The following HDAC9 variants were observed in gnomAD, a reference collection of about 807,000 sequenced individuals.
HDAC9 encodes MEF-2 interacting transcription repressor (MITR) protein.
In HDAC9, 41 loss-of-function variants were observed where a neutral mutation model predicts 139.4. The observed-to-expected ratio is 0.29, with a 90% CI of 0.23 to 0.38. The LOEUF (loss-of-function observed/expected upper bound fraction) is 0.38. Ranked by LOEUF, HDAC9 falls within the 10% of genes least tolerant of loss-of-function variation. The probability of loss-of-function intolerance (pLI) is 1.00; values close to 1 mark genes in which losing one functional copy is unlikely to be tolerated. For missense variants in HDAC9, 1,147 were observed against 1,297.0 expected (o/e 0.88, Z 1.78); for synonymous variants, 517 against 476.2 (o/e 1.09, Z -1.12).
At chr7:18,987,822 C>G (rs991432603) in intron 25 of HDAC9, among the ~76,000 whole-genome samples, 6 of 152,076 alleles carry the variant, frequency 3.9e-5, no homozygotes, top group African/African-American at 1.4e-4. Context: ...AGGAATTTAT[C>G]CATTTCTTCT....
At chr7:18,685,280 C>G (rs915044865) in intron 12 of HDAC9, among the ~76,000 whole-genome samples, 1 of 152,008 alleles carries the variant, frequency 6.6e-6, no homozygotes. Context: ...CTATATCACT[C>G]CCTTTTCCAC....
chr7:18,177,017 A>G (rs1293363399), intron 2 of HDAC9, among the ~76,000 whole-genome samples: 3 of 152,208 alleles, frequency 2.0e-5, no homozygotes, highest in Non-Finnish European at 2.9e-5. Context: ...CGAGTCTTTG[A>G]ATTTCAATAA....
rs186170692 is a variant in HDAC9 at position 18,990,824 on chromosome 7, G to T, written c.3171-5199G>T. Among the ~76,000 whole-genome samples the T allele has an allele frequency of 3.4e-3, 525 of 152,340 alleles. 1 individual carries two copies. Among genetic ancestry groups the T allele is most frequent in the African/African-American group, 0.012 (485 of 41,578 alleles). Reference sequence around the variant, plus strand: ...TGACCTGATTTTCCAGGTGCCGTCTGTCACCCCTTTGACTAGGAAAGAGAA... The same window carrying T: ...TGACCTGATTTTCCAGGTGCCGTCTTTCACCCCTTTGACTAGGAAAGAGAA... On this transcript the variant is annotated intron_variant, in intron 25 of 25. Transcript: ENST00000686413.
At chr7:18,816,843 T>C (rs749333779) in intron 17 of HDAC9, among the ~76,000 whole-genome samples, 4 of 152,328 alleles carry the variant, frequency 2.6e-5, no homozygotes, top group Middle Eastern at 3.4e-3. Flanking sequence ...TGGAATCCCA[T>C]ATCACTATGT....
At chr7:18,313,571 A>G (rs1404049966) in intron 1 of HDAC9, among the ~76,000 whole-genome samples, 1 of 152,168 alleles carries the variant, frequency 6.6e-6, no homozygotes, top group African/African-American at 2.4e-5. Context: ...AGGATTTCAT[A>G]TCCTTGTCAC....
chr7:18,591,876 G>C (rs949117738), intron 5 of HDAC9, among the ~76,000 whole-genome samples: 2 of 152,144 alleles, frequency 1.3e-5, no homozygotes, highest in African/African-American at 4.8e-5. Flanking sequence ...GTACATAACA[G>C]AGAGAAGTGC....
intron 2 of HDAC9, among the ~76,000 whole-genome samples, chr7:18,245,478 C>A (rs1794463814): frequency 6.6e-6 from 1 of 152,164 alleles, no homozygotes; most frequent in African/African-American, 2.4e-5. Flanking sequence ...GTCCCAGCTA[C>A]TCAGGAGGCT....
intron 2 of HDAC9, among the ~76,000 whole-genome samples, chr7:18,534,006 G>T (rs987442263): frequency 6.6e-6 from 1 of 152,066 alleles, no homozygotes; most frequent in Admixed American, 6.6e-5. Context: ...ATTCGATAGA[G>T]GCTATTAATT....
intron 16 of HDAC9, among the ~76,000 whole-genome samples, chr7:18,785,886 A>G (rs144241871): frequency 0.011 from 1,663 of 152,268 alleles, 20 homozygotes; most frequent in Middle Eastern, 0.061. Flanking sequence ...TGGTCGCTGT[A>G]AGAATTGTAT....
At position 18,849,232 on chromosome 7, in the gene HDAC9, A is replaced by G. The variant is rs552144244; in HGVS notation, c.2684+13235A>G. On this transcript the variant is annotated intron_variant, in intron 21 of 25. Transcript: ENST00000686413. ...TTGTGTTATCACATAAACTGAGCAT[A>G]CCACAATCCATATTCTACGGACTGT... is the stretch of plus-strand genomic sequence containing the variant. 4.5e-4 allele frequency among the ~76,000 whole-genome samples: 69 copies of G among 152,324 alleles called. No homozygotes were observed. In the South Asian group the frequency reaches 0.011, roughly 24 times the overall value.
At chr7:18,292,951 T>C (rs1435514114) in intron 1 of HDAC9, among the ~76,000 whole-genome samples, 2 of 152,156 alleles carry the variant, frequency 1.3e-5, no homozygotes, top group East Asian at 3.9e-4. Context: ...ATTTCACAAC[T>C]TTGGAGTTTT....
chr7:18,246,362 C>T (rs1794525344), intron 2 of HDAC9, among the ~76,000 whole-genome samples: 1 of 151,770 alleles, frequency 6.6e-6, no homozygotes, highest in Non-Finnish European at 1.5e-5. Flanking sequence ...TAGTAAAATA[C>T]ACATAACAAA....
chr7:18,782,428 T>C (rs1174680283), intron 16 of HDAC9, among the ~76,000 whole-genome samples: 1 of 152,084 alleles, frequency 6.6e-6, no homozygotes, highest in African/African-American at 2.4e-5. Flanking sequence ...ACATCCACTT[T>C]CAGGACAGGT....
intron 1 of HDAC9, among the ~76,000 whole-genome samples, chr7:18,435,059 C>CA (rs376786180): frequency 0.63 from 42,674 of 68,124 alleles, 12,290 homozygotes; most frequent in South Asian, 0.74. Context: ...ACTACACAGC[C>CA]AAAAAAAAAA....
At chr7:18,193,065 C>T (rs566344219) in intron 2 of HDAC9, among the ~76,000 whole-genome samples, 1 of 152,186 alleles carries the variant, frequency 6.6e-6, no homozygotes, top group South Asian at 2.1e-4. Context: ...CAATTTTTCA[C>T]CCTTGCTCAA....
chr7:18,547,932 C>A (rs1406700188), intron 2 of HDAC9, among the ~76,000 whole-genome samples: 2 of 147,780 alleles, frequency 1.4e-5, no homozygotes, highest in Non-Finnish European at 3.0e-5. Flanking sequence ...TCCCTCCCTC[C>A]ATTTGCATTC....
chr7:18,278,790 C>G (rs1796911457), intron 2 of HDAC9, among the ~76,000 whole-genome samples: 1 of 151,992 alleles, frequency 6.6e-6, no homozygotes, highest in East Asian at 1.9e-4. Context: ...CTCTTATGCA[C>G]CCCACATTTG....
intron 16 of HDAC9, among the ~76,000 whole-genome samples, chr7:18,782,093 C>G (rs1025142448): frequency 6.6e-6 from 1 of 152,038 alleles, no homozygotes; most frequent in Non-Finnish European, 1.5e-5. Flanking sequence ...TAAGCTTAAA[C>G]TCAATTATTC....
chr7:18,457,738 C>A (rs1294897142), intron 1 of HDAC9, among the ~76,000 whole-genome samples: 4 of 152,128 alleles, frequency 2.6e-5, no homozygotes, highest in Non-Finnish European at 5.9e-5. Context: ...CATAGAGCTT[C>A]ATTTTGTTGA....
Sources: gnomAD v4.1 joint callset for allele counts (sites outside exome capture counted in the v4.1 genomes callset) on GRCh38, gnomAD v4.1.1 for gene constraint, MANE v1.5 for transcripts, NCBI Gene and HGNC (gene_info 2026-07-23, HGNC 2026-07-21) for gene names.